Variants in MIGA1 observed in about 807,000 individuals in gnomAD.
MIGA1 encodes family with sequence similarity 73, member A.
In MIGA1, 58 loss-of-function variants were observed where a neutral mutation model predicts 82.0. That is an observed-to-expected ratio of 0.71 (90% CI 0.57 to 0.88). The LOEUF (loss-of-function observed/expected upper bound fraction) is 0.88, where lower values mean the gene tolerates loss of function less well. MIGA1 is among the 40% of genes least tolerant of loss of function. The pLI, the probability that MIGA1 is intolerant of heterozygous loss-of-function variation, is 0.00. For missense variants in MIGA1, 751 were observed against 749.1 expected, an observed-to-expected ratio of 1.00 and a Z score of -0.03; for synonymous variants, 249 against 253.6, an observed-to-expected ratio of 0.98 and a Z score of 0.17.
chr1:77,819,007 G>A (rs1197760601), intron 7 of MIGA1, among the ~76,000 whole-genome samples: 1 of 150,890 alleles, frequency 6.6e-6, no homozygotes, highest in African/African-American at 2.4e-5. Flanking sequence ...TTGAACCCAG[G>A]AGACGGAGGT....
In MIGA1 at chr1:77,836,778, C is replaced by T. The variant is rs1684439537; in HGVS notation, c.896-6529C>T. Among the ~76,000 whole-genome samples the T allele has an allele frequency of 1.3e-5, 2 of 151,918 alleles. 1 individual carries two copies. The highest frequency in any genetic ancestry group is 4.2e-4 in the South Asian group (2 of 4,808). ...ACAAGTGGGGATATGGTCAACATAC[C>T]CTCAGATAAAGCAGTAAGTTTTTTT... On this transcript the variant is annotated intron_variant, in intron 7 of 15. Transcript: ENST00000370791.
chr1:77,800,838 AAC>A (rs1356791131), intron 2 of MIGA1, among the ~76,000 whole-genome samples: 2 of 152,348 alleles, frequency 1.3e-5, no homozygotes, highest in South Asian at 2.1e-4. Context: ...TTTAATTTAT[AAC>A]ACAGTCCTGG....
At chr1:77,821,920 T>G (rs1160643761) in intron 7 of MIGA1, among the ~76,000 whole-genome samples, 2 of 152,320 alleles carry the variant, frequency 1.3e-5, no homozygotes, top group East Asian at 1.9e-4. Flanking sequence ...TAAGCTTCAG[T>G]TATTCAAGAT....
intron 8 of MIGA1, among the ~76,000 whole-genome samples, chr1:77,857,396 G>A (rs1307607946): frequency 6.6e-6 from 1 of 151,662 alleles, no homozygotes; most frequent in African/African-American, 2.4e-5. Flanking sequence ...TTGTGACGGA[G>A]TTTCACTCTT....
intron 5 of MIGA1, among the ~76,000 whole-genome samples, chr1:77,810,023 G>A (rs530738240): frequency 8.9e-4 from 135 of 152,148 alleles, no homozygotes; most frequent in Middle Eastern, 3.4e-3. Flanking sequence ...GCAGTATCTC[G>A]TTAGCATCTG....
chr1:77,809,886 C>T (rs868194236), intron 5 of MIGA1, among the ~76,000 whole-genome samples: 1,889 of 147,858 alleles, frequency 0.013, 39 homozygotes, highest in African/African-American at 0.045. Context: ...AAATAAATGG[C>T]GATCCTATCT....
At chr1:77,867,286 T>C (rs1381047065) in intron 14 of MIGA1, among the ~76,000 whole-genome samples, 1 of 152,190 alleles carries the variant, frequency 6.6e-6, no homozygotes, top group Non-Finnish European at 1.5e-5. Context: ...TCAGTTTCCT[T>C]ATCTCTAAAA....
intron 2 of MIGA1, among the ~76,000 whole-genome samples, chr1:77,785,269 C>T (rs9728416): frequency 0.024 from 3,710 of 152,206 alleles, 58 homozygotes; most frequent in Non-Finnish European, 0.037. Flanking sequence ...TATGGCTATT[C>T]CGAATGGGAA....
chr1:77,879,476 T>A lies in MIGA1; in HGVS notation c.*4412T>A, dbSNP rs2102000610. ...TAGCAGAAAAAATTGCACTGGCTCTTTAGCCAAAATAAGCACTGTAACATG... is the reference window on the plus strand; with the variant it reads ...TAGCAGAAAAAATTGCACTGGCTCTATAGCCAAAATAAGCACTGTAACATG... On this transcript the variant is annotated 3_prime_UTR_variant, in exon 16 of 16. Transcript: ENST00000370791. The A allele has an allele frequency of 6.6e-6, 1 of 152,326 alleles. No individual in the cohort carries two copies. Among genetic ancestry groups the A allele is most frequent in the South Asian group, 2.1e-4 (1 of 4,830 alleles). The allele number at this position is 152,326 out of a possible 1,614,324, so 9.4% of individuals were successfully genotyped here.
At chr1:77,809,153 A>C (rs1683217264) in intron 5 of MIGA1, among the ~76,000 whole-genome samples, 1 of 152,182 alleles carries the variant, frequency 6.6e-6, no homozygotes, top group South Asian at 2.1e-4. Context: ...CAGAATATTA[A>C]AAATTCAAAT....
In MIGA1 at chr1:77,805,460, T is replaced by TC. The variant is rs1395239870; in HGVS notation, c.511-1514dup. On this transcript the variant is annotated intron_variant, in intron 4 of 15. Transcript: ENST00000370791. ...GCAGCATAATGAAGAATATGCCTAT[T>TC]CTTTTTTTTTTTTTTTTTTGTCTTT... Among the ~76,000 whole-genome samples the TC allele has an allele frequency of 4.0e-5, 3 of 75,060 alleles. No homozygotes were observed. The East Asian group carries it at 1.2e-3, about 29-fold the overall frequency. The allele number at this position is 75,060 out of a possible 152,430, so 49.2% of individuals were successfully genotyped here. A position where few individuals can be genotyped will look rare whatever the true frequency, so the allele number is the denominator to read the frequency against.
intron 2 of MIGA1, among the ~76,000 whole-genome samples, chr1:77,790,616 G>T (rs1304980951): frequency 7.1e-6 from 1 of 140,552 alleles, no homozygotes; most frequent in Non-Finnish European, 1.5e-5. Context: ...ACAGAGTTTT[G>T]CTCCTGTTGC....
At chr1:77,872,886 A>G in intron 14 of MIGA1, 118 bp from the exon 15 acceptor site, 1 of 1,384,444 alleles carries the variant, frequency 7.2e-7, no homozygotes, top group South Asian at 1.2e-5. Flanking sequence ...GGTTCTAAAA[A>G]ACAAATTTTC....
At chr1:77,869,018 G>T (rs1685787789) in intron 14 of MIGA1, among the ~76,000 whole-genome samples, 1 of 151,828 alleles carries the variant, frequency 6.6e-6, no homozygotes. Flanking sequence ...ATAGTGGAGG[G>T]AAGGGAGGGA....
intron 11 of MIGA1, 60 bp downstream of exon 11, chr1:77,860,186 A>G (rs1685412168): frequency 8.3e-7 from 1 of 1,210,464 alleles, no homozygotes; most frequent in Non-Finnish European, 1.2e-6. Flanking sequence ...TACCCTTTGA[A>G]CTGAAGATTA....
intron 8 of MIGA1, chr1:77,848,148 A>C: frequency 7.2e-7 from 1 of 1,392,422 alleles, no homozygotes. Flanking sequence ...TGATTACCAG[A>C]AAGAAAGGGA....
At chr1:77,870,187 T>C (rs1685893037) in intron 14 of MIGA1, among the ~76,000 whole-genome samples, 1 of 90,402 alleles carries the variant, frequency 1.1e-5, no homozygotes, top group African/African-American at 4.0e-5. Flanking sequence ...GCCCCTCACC[T>C]CCCGGACGGG....
intron 7 of MIGA1, 130 bp from the exon 8 acceptor site, chr1:77,843,177 T>TA (rs1003579337): frequency 1.6e-5 from 9 of 563,026 alleles, no homozygotes; most frequent in South Asian, 5.6e-5. Context: ...AATGGATACT[T>TA]ACTGTTTTCT....
intron 8 of MIGA1, among the ~76,000 whole-genome samples, chr1:77,857,516 C>G (rs1040351521): frequency 6.6e-6 from 1 of 151,856 alleles, no homozygotes; most frequent in Admixed American, 6.6e-5. Context: ...CACCTGGCCC[C>G]CCCTAATTTT....
Sources: gnomAD v4.1 joint callset for allele counts (sites outside exome capture counted in the v4.1 genomes callset) on GRCh38, gnomAD v4.1.1 for gene constraint, MANE v1.5 for transcripts, NCBI Gene and HGNC (gene_info 2026-07-23, HGNC 2026-07-21) for gene names.